PARD3B: variants seen among roughly 807,000 people sequenced by gnomAD.
PARD3B encodes partitioning defective 3 homolog B.
PARD3B carries 103 observed loss-of-function variants against 130.2 expected under a neutral mutation model. That is an observed-to-expected ratio of 0.79 (90% CI 0.67 to 0.93). The LOEUF (loss-of-function observed/expected upper bound fraction) is 0.93, where lower values mean the gene tolerates loss of function less well. PARD3B is among the 40% of genes least tolerant of loss of function. PARD3B has a pLI of 0.00. For synonymous variants in PARD3B, 583 were observed against 553.2 expected (o/e 1.05, Z -0.76); for missense variants, 1,609 against 1,499.2 (o/e 1.07, Z -1.21).
intron 2 of PARD3B, among the ~76,000 whole-genome samples, chr2:204,753,063 C>T (rs981687562): frequency 4.6e-5 from 7 of 152,062 alleles, no homozygotes; most frequent in African/African-American, 1.4e-4. Context: ...AAGTCCTATT[C>T]GGTATTTTAG....
intron 15 of PARD3B, among the ~76,000 whole-genome samples, chr2:205,215,659 G>T (rs2037870268): frequency 6.6e-6 from 1 of 151,984 alleles, no homozygotes; most frequent in South Asian, 2.1e-4. Flanking sequence ...TGTTCCAGTG[G>T]TACAGAACAT....
intron 1 of PARD3B, among the ~76,000 whole-genome samples, chr2:204,659,951 C>G (rs1331858421): frequency 6.6e-6 from 1 of 152,158 alleles, no homozygotes; most frequent in Admixed American, 6.6e-5. Context: ...TAATGCCATT[C>G]TCTAAGATTG....
At chr2:204,851,074 G>T (rs966566282) in intron 2 of PARD3B, among the ~76,000 whole-genome samples, 1 of 152,142 alleles carries the variant, frequency 6.6e-6, no homozygotes, top group Non-Finnish European at 1.5e-5. Context: ...CTTGAATAAT[G>T]TAAGTATTCC....
intron 22 of PARD3B, among the ~76,000 whole-genome samples, chr2:205,556,822 G>C (rs2052907551): frequency 1.3e-5 from 2 of 152,140 alleles, no homozygotes; most frequent in African/African-American, 4.8e-5. Context: ...TAGGGAAGTG[G>C]CTGTTTCCTA....
intron 2 of PARD3B, 84 bp downstream of exon 2, chr2:204,686,366 TG>T (rs2037087272): frequency 1.0e-5 from 10 of 990,946 alleles, no homozygotes; most frequent in Non-Finnish European, 1.6e-5. Flanking sequence ...AACAAACTCA[TG>T]TGTCAATTAT....
intron 14 of PARD3B, among the ~76,000 whole-genome samples, chr2:205,190,709 C>T (rs997600164): frequency 6.6e-6 from 1 of 152,134 alleles, no homozygotes. Flanking sequence ...GGCTCTTAAA[C>T]TTTTTGATTC....
At chr2:204,992,727 ATTTG>A (rs1349322297) in intron 3 of PARD3B, among the ~76,000 whole-genome samples, 15 of 127,858 alleles carry the variant, frequency 1.2e-4, no homozygotes, top group African/African-American at 4.4e-4. Flanking sequence ...ATGTTCTTCC[ATTTG>A]TTTGTGTCCT....
intron 2 of PARD3B, among the ~76,000 whole-genome samples, chr2:204,959,965 G>GT (rs1368013148): frequency 6.6e-5 from 10 of 152,078 alleles, no homozygotes; most frequent in Admixed American, 3.9e-4. Flanking sequence ...TCTCAAACAG[G>GT]GTTACCCAAA....
intron 18 of PARD3B, among the ~76,000 whole-genome samples, chr2:205,311,915 G>T (rs1191569979): frequency 6.6e-6 from 1 of 152,128 alleles, no homozygotes; most frequent in Non-Finnish European, 1.5e-5. Context: ...GTGTAGGTGG[G>T]TTTGGACTTG....
At chr2:205,217,694 A>G (rs2037986043) in intron 15 of PARD3B, among the ~76,000 whole-genome samples, 1 of 151,100 alleles carries the variant, frequency 6.6e-6, no homozygotes, top group East Asian at 2.0e-4. Flanking sequence ...AATTTTATAT[A>G]TATACACACA....
chr2:205,436,067 G>A (rs1401661921), intron 19 of PARD3B, among the ~76,000 whole-genome samples: 1 of 152,184 alleles, frequency 6.6e-6, no homozygotes. Context: ...AGATGGTGCT[G>A]CCTAGGTTTC....
chr2:205,078,757 T>C lies in PARD3B; in HGVS notation c.505-25669T>C, dbSNP rs1701223030. 6.6e-6 allele frequency among the ~76,000 whole-genome samples: 1 copy of C among 152,228 alleles called. No homozygotes were observed. Among genetic ancestry groups the C allele is most frequent in the African/African-American group, 2.4e-5 (1 of 41,474 alleles). ...CTTCTGAGACTAGTTCAGAAAAGGC[T>C]ATACCTGTGGCTTCCATCTGATTCC... On this transcript the variant is annotated intron_variant, in intron 4 of 22. Transcript: ENST00000406610. This position sits in a 1 kb window ranked among gnomAD's most constrained non-coding sequence, Gnocchi z 4.0.
intron 18 of PARD3B, among the ~76,000 whole-genome samples, chr2:205,377,569 A>T (rs953054527): frequency 2.0e-5 from 3 of 152,004 alleles, no homozygotes; most frequent in African/African-American, 7.3e-5. Flanking sequence ...ATACTCAAAG[A>T]TAAGAGGCTC....
rs534002838 is a variant in PARD3B, at chr2:204,957,744, C to T, written c.223-7408C>T. 3.3e-5 allele frequency among the ~76,000 whole-genome samples: 5 copies of T among 152,176 alleles called. No individual in the cohort carries two copies. The South Asian group carries it at 1.0e-3, about 32-fold the overall frequency. On this transcript the variant is annotated intron_variant, in intron 2 of 22. Coordinates refer to ENST00000406610, the MANE Select transcript of PARD3B (RefSeq NM_001302769.2). ...TGTTATTTAGTTACAAGCAGATGCACACATACATTTAAATGAAATTCTGCA... is the reference window on the plus strand; with the variant it reads ...TGTTATTTAGTTACAAGCAGATGCATACATACATTTAAATGAAATTCTGCA...
intron 2 of PARD3B, among the ~76,000 whole-genome samples, chr2:204,701,632 T>C (rs1336109748): frequency 6.6e-6 from 1 of 152,216 alleles, no homozygotes; most frequent in Non-Finnish European, 1.5e-5. Flanking sequence ...ATTTTCAGCA[T>C]TTTATTAATG....
At chr2:204,998,404 G>GAAAAAC (rs1694494775) in intron 3 of PARD3B, among the ~76,000 whole-genome samples, 1 of 58,258 alleles carries the variant, frequency 1.7e-5, no homozygotes, top group Non-Finnish European at 3.3e-5. Context: ...ATGTATATAT[G>GAAAAAC]TGTATATATA....
intron 3 of PARD3B, among the ~76,000 whole-genome samples, chr2:205,023,584 T>C (rs1468822257): frequency 8.0e-6 from 1 of 124,692 alleles, no homozygotes; most frequent in African/African-American, 3.1e-5. Flanking sequence ...ATACCATGAG[T>C]CTGACCTTGT....
At chr2:205,419,342 TGA>T (rs1220288956) in intron 19 of PARD3B, among the ~76,000 whole-genome samples, 1 of 152,118 alleles carries the variant, frequency 6.6e-6, no homozygotes, top group Non-Finnish European at 1.5e-5. Flanking sequence ...CGCCATGATG[TGA>T]GGCCCCCACT....
intron 2 of PARD3B, among the ~76,000 whole-genome samples, chr2:204,705,500 A>G (rs112772856): frequency 2.8e-3 from 416 of 150,092 alleles, no homozygotes; most frequent in African/African-American, 9.7e-3. Context: ...TTAGTCATGT[A>G]AGAATTTAAG....
Sources: gnomAD v4.1 joint callset for allele counts (sites outside exome capture counted in the v4.1 genomes callset) on GRCh38, gnomAD v4.1.1 for gene constraint, Gnocchi (gnomAD v3.1) non-coding constraint, MANE v1.5 for transcripts, NCBI Gene and HGNC (gene_info 2026-07-23, HGNC 2026-07-21) for gene names.